Variants in RELN observed in about 807,000 individuals in gnomAD.
The protein encoded by RELN is reelin.
In RELN, 108 loss-of-function variants were observed where a neutral mutation model predicts 427.6. The ratio of observed to expected loss-of-function variants is 0.25; its 90% CI spans 0.22 to 0.30. RELN has a LOEUF of 0.30. RELN is among the 10% of genes least tolerant of loss of function. The pLI, the probability that RELN is intolerant of heterozygous loss-of-function variation, is 1.00. For missense variants in RELN, 3,715 were observed against 4,302.8 expected (o/e 0.86, Z 3.82); for synonymous variants, 1,524 against 1,513.4 (o/e 1.01, Z -0.16).
chr7:103,482,688 C>T (rs563612069), intron 63 of RELN, 185 bp downstream of exon 63: 34 of 780,638 alleles, frequency 4.4e-5, no homozygotes, highest in African/African-American at 7.5e-5. Flanking sequence ...ACATTTCATT[C>T]GGGGCTTTGC....
intron 3 of RELN, among the ~76,000 whole-genome samples, chr7:103,815,036 G>A (rs1792837031): frequency 1.3e-5 from 2 of 152,158 alleles, no homozygotes; most frequent in African/African-American, 4.8e-5. Context: ...GAAATATGTT[G>A]GAGTCTTTGC....
intron 2 of RELN, among the ~76,000 whole-genome samples, chr7:103,846,518 C>T (rs1224260743): frequency 6.6e-6 from 1 of 152,064 alleles, no homozygotes; most frequent in Non-Finnish European, 1.5e-5. Context: ...TAGGCGTGGG[C>T]AAAGACTTCA....
chr7:103,904,628 TGA>T (rs1795155735), intron 2 of RELN, among the ~76,000 whole-genome samples: 1 of 152,184 alleles, frequency 6.6e-6, no homozygotes, highest in Admixed American at 6.6e-5. Context: ...AGGAAATGGA[TGA>T]GTCTCATGTG....
intron 9 of RELN, among the ~76,000 whole-genome samples, chr7:103,699,284 A>G (rs560334472): frequency 9.9e-5 from 15 of 152,134 alleles, no homozygotes; most frequent in Non-Finnish European, 2.2e-4. Flanking sequence ...TATCCGTAAA[A>G]TTGTCACCAT....
intron 36 of RELN, among the ~76,000 whole-genome samples, chr7:103,559,768 C>T (rs1402437748): frequency 6.6e-6 from 1 of 152,094 alleles, no homozygotes; most frequent in African/African-American, 2.4e-5. Flanking sequence ...GAGCTCAATG[C>T]CATGTGGGAG....
At chr7:103,498,374 C>A in intron 53 of RELN, 122 bp from the exon 54 acceptor site, 2 of 888,548 alleles carry the variant, frequency 2.3e-6, no homozygotes, top group African/African-American at 1.7e-5. Context: ...AAATGCTTTT[C>A]AAAGATGTTT....
At position 103,968,153 on chromosome 7, in the gene RELN, C is replaced by G. The variant is rs1796695005; in HGVS notation, c.226+20978G>C. Among the ~76,000 whole-genome samples the G allele has an allele frequency of 1.3e-5, 2 of 151,696 alleles. No homozygotes were observed. Among genetic ancestry groups the G allele is most frequent in the African/African-American group, 2.4e-5 (1 of 41,352 alleles). ...AACAGAATACTTTCTACAAAGTAGG[C>G]CCTCAACAAATGTATATTGATTTTA... On this transcript the variant is annotated intron_variant, in intron 1 of 64. Transcript: ENST00000428762. The surrounding 1 kb of genome is among the most constrained non-coding windows in gnomAD (Gnocchi z 4.3).
chr7:103,802,214 A>G (rs1389193710), intron 3 of RELN, among the ~76,000 whole-genome samples: 2 of 152,206 alleles, frequency 1.3e-5, no homozygotes, highest in Non-Finnish European at 2.9e-5. Flanking sequence ...TATAGCCCTC[A>G]AAATTTAGTC....
chr7:103,960,683 T>C (rs1273924398), intron 1 of RELN, among the ~76,000 whole-genome samples: 1 of 152,216 alleles, frequency 6.6e-6, no homozygotes, highest in East Asian at 1.9e-4. Context: ...ATATTAAAGA[T>C]ACTTACATAT....
chr7:103,764,573 C>T (rs1008992092), intron 4 of RELN, among the ~76,000 whole-genome samples: 1 of 152,132 alleles, frequency 6.6e-6, no homozygotes, highest in South Asian at 2.1e-4. Context: ...CATGGTGGCT[C>T]ATGCCTGGAA....
At chr7:103,545,410 T>C in intron 41 of RELN, 66 bp from the exon 42 acceptor site, 2 of 1,084,644 alleles carry the variant, frequency 1.8e-6, no homozygotes, top group Non-Finnish European at 2.8e-6. Context: ...AGTATGCACA[T>C]CTGATCAATG....
At chr7:103,617,717 T>C (rs1584348449) in intron 20 of RELN, among the ~76,000 whole-genome samples, 1 of 152,024 alleles carries the variant, frequency 6.6e-6, no homozygotes, top group South Asian at 2.1e-4. Flanking sequence ...ACTGCTATAG[T>C]TTGGATGTTT....
intron 24 of RELN, among the ~76,000 whole-genome samples, chr7:103,601,833 T>G (rs1221977270): frequency 1.3e-5 from 2 of 152,190 alleles, no homozygotes; most frequent in African/African-American, 4.8e-5. Context: ...AGCATCAATT[T>G]TAGTGATTCT....
rs909375491 is a variant in RELN, at chr7:103,503,192, C to T, written c.8313G>A (p.Gln2771=). The change falls in exon 52 of 65, where the codon CAG becomes CAA. Residue 2771 remains glutamine (Q), a synonymous_variant. Coordinates refer to ENST00000428762, the MANE Select transcript of RELN (RefSeq NM_005045.4). ...VGCKVSEKIA[Q]NQIHVQYSTD... ...TAGAATACTGCACATGAATTTGATTCTGGGCAATTTTTTCAGACACCTTAC... is the reference window on the plus strand; with the variant it reads ...TAGAATACTGCACATGAATTTGATTTTGGGCAATTTTTTCAGACACCTTAC... 2 of 1,614,048 alleles carry T rather than the reference C, an allele frequency of 1.2e-6. No homozygotes were observed. Among genetic ancestry groups the T allele is most frequent in the Admixed American group, 3.3e-5 (2 of 60,000 alleles).
At position 103,531,559 on chromosome 7, in the gene RELN, T is replaced by C. The variant is rs897770646; in HGVS notation, c.7349+3757A>G. 8.5e-5 allele frequency among the ~76,000 whole-genome samples: 13 copies of C among 152,286 alleles called. No homozygotes were observed. The East Asian group carries it at 2.3e-3, about 27-fold the overall frequency. On this transcript the variant is annotated intron_variant, in intron 46 of 64. Coordinates refer to ENST00000428762, the MANE Select transcript of RELN (RefSeq NM_005045.4). The stretch of plus-strand genomic sequence containing the variant: ...AAGACCAGGGAGTCATCTTCAGCCC[T>C]GCTCTTCTCAAGCTCCCACGTCAAT...
chr7:103,512,107 T>C (rs1829439470), intron 50 of RELN, among the ~76,000 whole-genome samples: 1 of 152,144 alleles, frequency 6.6e-6, no homozygotes, highest in Non-Finnish European at 1.5e-5. Flanking sequence ...AGCAGATCTC[T>C]AGAACTTATT....
At chr7:103,676,903 G>T (rs952790898) in intron 11 of RELN, among the ~76,000 whole-genome samples, 1 of 152,074 alleles carries the variant, frequency 6.6e-6, no homozygotes, top group Non-Finnish European at 1.5e-5. Context: ...GTGGGAGCAG[G>T]GGGGAGGGAT....
chr7:103,616,973 T>A (rs987909014), intron 20 of RELN, among the ~76,000 whole-genome samples: 1 of 152,214 alleles, frequency 6.6e-6, no homozygotes, highest in African/African-American at 2.4e-5. Context: ...ACACTTATTG[T>A]CAAGCTGCCC....
chr7:103,905,756 G>C (rs1037582884), intron 2 of RELN, among the ~76,000 whole-genome samples: 1 of 144,178 alleles, frequency 6.9e-6, no homozygotes, highest in Non-Finnish European at 1.5e-5. Flanking sequence ...TCTTCGAAGA[G>C]ACTTAAAGGT....
Sources: gnomAD v4.1 joint callset for allele counts (sites outside exome capture counted in the v4.1 genomes callset) on GRCh38, gnomAD v4.1.1 for gene constraint, Gnocchi (gnomAD v3.1) non-coding constraint, MANE v1.5 for transcripts, NCBI Gene and HGNC (gene_info 2026-07-23, HGNC 2026-07-21) for gene names.